UBE2R2: variants seen among roughly 807,000 people sequenced by gnomAD.
UBE2R2 encodes the protein ubiquitin conjugating enzyme E2 R2.
In UBE2R2, 1 loss-of-function variant was observed where a neutral mutation model predicts 27.8. That is an observed-to-expected ratio of 0.04 (90% CI 0.01 to 0.17). The LOEUF (loss-of-function observed/expected upper bound fraction) is 0.17. Ranked by LOEUF, UBE2R2 falls within the 10% of genes least tolerant of loss-of-function variation. UBE2R2 has a pLI of 1.00. For missense variants in UBE2R2, 100 were observed against 291.0 expected (o/e 0.34, Z 4.78); for synonymous variants, 106 against 113.3 (o/e 0.94, Z 0.41).
At chr9:33,857,944 GTTCT>G (rs1420420662) in intron 1 of UBE2R2, among the ~76,000 whole-genome samples, 1 of 152,122 alleles carries the variant, frequency 6.6e-6, no homozygotes, top group Non-Finnish European at 1.5e-5. Flanking sequence ...ATGGGAATAT[GTTCT>G]TTCATTTATT....
chr9:33,815,930 C>T (rs1208871897), upstream of UBE2R2, among the ~76,000 whole-genome samples: 1 of 151,954 alleles, frequency 6.6e-6, no homozygotes, highest in Admixed American at 6.6e-5. Context: ...ATTAAACAGC[C>T]GGGTGTGGAG....
intron 1 of UBE2R2, among the ~76,000 whole-genome samples, chr9:33,867,626 A>G (rs1031662682): frequency 3.3e-5 from 5 of 152,204 alleles, no homozygotes; most frequent in Non-Finnish European, 7.3e-5. Context: ...ATGACTAATG[A>G]TGTTGAACAC....
chr9:33,860,146 G>A (rs1037508290), intron 1 of UBE2R2, among the ~76,000 whole-genome samples: 2 of 150,840 alleles, frequency 1.3e-5, no homozygotes, highest in Admixed American at 6.6e-5. Context: ...AGGAGGGCAC[G>A]TTTCTCAAGT....
At chr9:33,825,531 A>G (rs116357554) in intron 1 of UBE2R2, among the ~76,000 whole-genome samples, 5,336 of 152,116 alleles carry the variant, frequency 0.035, 317 homozygotes, top group African/African-American at 0.12. Flanking sequence ...ATGAGCCACC[A>G]CACCTGTCCA....
intron 1 of UBE2R2, among the ~76,000 whole-genome samples, chr9:33,842,963 C>T (rs1820760989): frequency 6.8e-6 from 1 of 146,650 alleles, no homozygotes; most frequent in Non-Finnish European, 1.5e-5. Flanking sequence ...GGCTTGAGCC[C>T]AGGCTGTGAT....
At chr9:33,906,327 AGTCG>A in intron 3 of UBE2R2, among the ~76,000 whole-genome samples, 1 of 152,138 alleles carries the variant, frequency 6.6e-6, no homozygotes, top group Non-Finnish European at 1.5e-5. Flanking sequence ...TTTCCGTGTT[AGTCG>A]GGCTGATCTT....
intron 1 of UBE2R2, among the ~76,000 whole-genome samples, chr9:33,851,236 G>A (rs1208597459): frequency 6.6e-6 from 1 of 152,134 alleles, no homozygotes; most frequent in African/African-American, 2.4e-5. Context: ...AACCATTTGA[G>A]GGTGAGTTGC....
At chr9:33,853,774 A>ATTTT (rs749498528) in intron 1 of UBE2R2, among the ~76,000 whole-genome samples, 2 of 112,242 alleles carry the variant, frequency 1.8e-5, no homozygotes, top group East Asian at 2.4e-4. Flanking sequence ...CTTCCTTCCA[A>ATTTT]TTTTTTTTTT....
At chr9:33,832,882 A>G (rs1356945435) in intron 1 of UBE2R2, among the ~76,000 whole-genome samples, 1 of 152,104 alleles carries the variant, frequency 6.6e-6, no homozygotes, top group Non-Finnish European at 1.5e-5. Flanking sequence ...AGTCACATTC[A>G]GTTTTTTAAA....
chr9:33,860,402 C>T (rs1033172641), intron 1 of UBE2R2, among the ~76,000 whole-genome samples: 5 of 152,300 alleles, frequency 3.3e-5, no homozygotes, highest in Non-Finnish European at 7.3e-5. Context: ...CCTGTTACTA[C>T]GCCCTACCAC....
At chr9:33,847,333 T>G (rs1024215260) in intron 1 of UBE2R2, among the ~76,000 whole-genome samples, 1 of 152,144 alleles carries the variant, frequency 6.6e-6, no homozygotes, top group East Asian at 1.9e-4. Flanking sequence ...TGGCCTCAAG[T>G]GATCTCCTGC....
intron 1 of UBE2R2, among the ~76,000 whole-genome samples, chr9:33,835,578 T>C (rs1323251802): frequency 6.6e-6 from 1 of 152,158 alleles, no homozygotes; most frequent in African/African-American, 2.4e-5. Context: ...TTACAATTTT[T>C]GTTTGTTTTT....
rs1374430517 is a variant in UBE2R2 at position 33,918,188 on chromosome 9, A to G, written c.*951A>G. On this transcript the variant is annotated 3_prime_UTR_variant, in exon 5 of 5. Coordinates refer to ENST00000263228, the MANE Select transcript of UBE2R2 (RefSeq NM_017811.4). ...GGGAGAGGAAACATCTGTTTTATAG[A>G]TTTAGCATGGCCTTCCCATCAAAAA... The G allele has an allele frequency of 6.6e-6, 1 of 152,338 alleles. No individual in the cohort carries two copies. Among genetic ancestry groups the G allele is most frequent in the Non-Finnish European group, 1.5e-5 (1 of 68,020 alleles). 9.4% of individuals were successfully genotyped at this position (152,338 alleles called of 1,614,324 possible).
rs1307279320 is a variant in UBE2R2 at position 33,817,459 on chromosome 9, C to CG, written c.-290dup. The CG allele has an allele frequency of 4.0e-4, 63 of 156,302 alleles. No individual in the cohort carries two copies. The highest frequency in any genetic ancestry group is 6.3e-4 in the Non-Finnish European group (46 of 72,540). The allele number at this position is 156,302 out of a possible 1,614,324, so 9.7% of individuals were successfully genotyped here. ...CCCCCCCCCAAGTTGAGGCCCCCTC[C>CG]GGGGGGGGGAGGCCCGGGACCGGGA... is the stretch of plus-strand genomic sequence containing the variant. On this transcript the variant is annotated 5_prime_UTR_variant, in exon 1 of 5. Coordinates refer to ENST00000263228, the MANE Select transcript of UBE2R2 (RefSeq NM_017811.4).
chr9:33,899,982 G>T (rs1178646880), intron 2 of UBE2R2, among the ~76,000 whole-genome samples, 192 bp from the exon 3 acceptor site: 1 of 152,130 alleles, frequency 6.6e-6, no homozygotes, highest in Non-Finnish European at 1.5e-5. Context: ...ATATACCTTG[G>T]AGATTGGTCA....
chr9:33,816,798 C>G (rs540531514), upstream of UBE2R2, among the ~76,000 whole-genome samples: 37 of 152,374 alleles, frequency 2.4e-4, no homozygotes, highest in African/African-American at 8.9e-4. Context: ...GTGGGGAGGG[C>G]CCCGAGAGCC....
At chr9:33,823,612 A>G (rs1038444093) in intron 1 of UBE2R2, among the ~76,000 whole-genome samples, 5 of 151,232 alleles carry the variant, frequency 3.3e-5, no homozygotes, top group African/African-American at 1.2e-4. Flanking sequence ...CTGACCTCAG[A>G]TGATCTACCC....
At chr9:33,837,271 T>A (rs1273936116) in intron 1 of UBE2R2, among the ~76,000 whole-genome samples, 1 of 152,096 alleles carries the variant, frequency 6.6e-6, no homozygotes, top group Non-Finnish European at 1.5e-5. Context: ...TAGGCTGGAG[T>A]GCAGGGGTGC....
intron 3 of UBE2R2, among the ~76,000 whole-genome samples, chr9:33,900,630 G>A (rs1490341234): frequency 3.3e-5 from 5 of 152,084 alleles, no homozygotes; most frequent in Non-Finnish European, 5.9e-5. Flanking sequence ...AGTAACTGAA[G>A]TCCATACGCT....
Sources: allele counts gnomAD v4.1 joint callset (sites outside exome capture counted in the v4.1 genomes callset), GRCh38; gene constraint gnomAD v4.1.1; transcripts MANE v1.5; gene names NCBI Gene and HGNC (gene_info 2026-07-23, HGNC 2026-07-21).